GNG2: variants seen among roughly 807,000 people sequenced by gnomAD.
The protein encoded by GNG2 is guanine nucleotide-binding protein G(I)/G(S)/G(O) subunit gamma-2.
A neutral mutation model predicts 5.5 loss-of-function variants in GNG2; 5 were observed. The observed-to-expected ratio is 0.91, with a 90% confidence interval of 0.48 to 1.92. GNG2 has a LOEUF of 1.92. Ranked by LOEUF, GNG2 falls within the 30% of genes most tolerant of loss-of-function variation. The pLI is 0.01. For synonymous variants in GNG2, 28 were observed against 32.0 expected (o/e 0.88, Z 0.42); for missense variants, 55 against 88.4 (o/e 0.62, Z 1.52).
chr14:51,937,375 A>T (rs77400881), intron 2 of GNG2, among the ~76,000 whole-genome samples: 7,328 of 129,390 alleles, frequency 0.057, 231 homozygotes, highest in East Asian at 0.16. Flanking sequence ...AAATCTTCCC[A>T]AAAGGTCAGC....
chr14:51,878,710 A>G (rs1883842247), intron 2 of GNG2, among the ~76,000 whole-genome samples: 1 of 152,154 alleles, frequency 6.6e-6, no homozygotes, highest in South Asian at 2.1e-4. Context: ...TGGACTTTGG[A>G]TATCTCCAAA....
At chr14:51,924,152 G>A (rs751717309) in intron 2 of GNG2, among the ~76,000 whole-genome samples, 1 of 152,160 alleles carries the variant, frequency 6.6e-6, no homozygotes, top group Non-Finnish European at 1.5e-5. Flanking sequence ...GTTCCTAACT[G>A]AGGTCCCTTA....
chr14:51,933,514 T>A (rs546688632), intron 2 of GNG2, among the ~76,000 whole-genome samples: 33 of 152,340 alleles, frequency 2.2e-4, no homozygotes, highest in African/African-American at 5.3e-4. Context: ...TTGCTTTTTA[T>A]TTTTTTAAGA....
chr14:51,839,483 A>G (rs1034430261), intron 2 of GNG2, among the ~76,000 whole-genome samples: 1 of 151,946 alleles, frequency 6.6e-6, no homozygotes, highest in African/African-American at 2.4e-5. Flanking sequence ...CTTTTTTGGG[A>G]ATAGAATGTG....
intron 1 of GNG2, among the ~76,000 whole-genome samples, chr14:51,867,585 G>A (rs1022033223): frequency 9.2e-5 from 14 of 152,312 alleles, no homozygotes; most frequent in African/African-American, 3.4e-4. Flanking sequence ...TCTTTTCCAT[G>A]TTTATAGCCG....
intron 2 of GNG2, among the ~76,000 whole-genome samples, chr14:51,889,020 C>G (rs149778263): frequency 4.7e-3 from 708 of 151,700 alleles, no homozygotes; most frequent in African/African-American, 0.016. Context: ...TAGACAAATC[C>G]ATAGAGACAG....
chr14:51,827,930 T>A (rs1029553304), intron 2 of GNG2: 2 of 594,356 alleles, frequency 3.4e-6, no homozygotes, highest in African/African-American at 3.8e-5. Flanking sequence ...GTGGGAGGAC[T>A]CAGGAGGGAG....
intron 2 of GNG2, among the ~76,000 whole-genome samples, chr14:51,884,603 C>G (rs1389760772): frequency 6.6e-6 from 1 of 152,194 alleles, no homozygotes; most frequent in Admixed American, 6.5e-5. Context: ...ACCTCTGTGG[C>G]TCCTGCAGTA....
At chr14:51,897,874 T>G (rs944169183) in intron 2 of GNG2, among the ~76,000 whole-genome samples, 1 of 152,218 alleles carries the variant, frequency 6.6e-6, no homozygotes, top group East Asian at 1.9e-4. Flanking sequence ...GTGGGAAATA[T>G]CTGCATAGTA....
intron 2 of GNG2, among the ~76,000 whole-genome samples, chr14:51,890,075 A>G (rs1179757323): frequency 6.6e-6 from 1 of 152,242 alleles, no homozygotes; most frequent in East Asian, 1.9e-4. Flanking sequence ...GGAGATCAAA[A>G]TGAGTAGTGA....
chr14:51,937,016 G>A (rs991641965), intron 2 of GNG2, among the ~76,000 whole-genome samples: 2 of 152,124 alleles, frequency 1.3e-5, no homozygotes, highest in African/African-American at 4.8e-5. Flanking sequence ...ACAACCCAGG[G>A]TATTTCTCTA....
At chr14:51,963,042 G>A (rs1278763323) in intron 3 of GNG2, among the ~76,000 whole-genome samples, 1 of 152,126 alleles carries the variant, frequency 6.6e-6, no homozygotes, top group Admixed American at 6.5e-5. Flanking sequence ...TTGTTGTAAG[G>A]ATTAAATAAG....
intron 2 of GNG2, among the ~76,000 whole-genome samples, chr14:51,898,988 C>T (rs1594891212): frequency 1.3e-5 from 2 of 152,308 alleles, no homozygotes; most frequent in East Asian, 3.9e-4. Flanking sequence ...GAAAGAGCAG[C>T]TGTGAGAAGA....
chr14:51,903,876 G>T (rs1457230629), intron 2 of GNG2, among the ~76,000 whole-genome samples: 1 of 152,168 alleles, frequency 6.6e-6, no homozygotes, highest in Non-Finnish European at 1.5e-5. Context: ...AATAACCTTT[G>T]CTGCAAATAA....
intron 2 of GNG2, among the ~76,000 whole-genome samples, chr14:51,926,022 TTTTC>T (rs560253735): frequency 2.5e-4 from 38 of 152,174 alleles, no homozygotes; most frequent in African/African-American, 5.3e-4. Context: ...ATTTGTTTTC[TTTTC>T]TTTCTTTCTT....
chr14:51,920,507 G>T (rs1886955255), intron 2 of GNG2, among the ~76,000 whole-genome samples: 1 of 151,974 alleles, frequency 6.6e-6, no homozygotes, highest in African/African-American at 2.4e-5. Context: ...TCTATGGTTG[G>T]TTGACTTTAC....
chr14:51,846,996 C>G (rs1000119273), intron 2 of GNG2: 4 of 152,178 alleles, frequency 2.6e-5, no homozygotes, highest in Non-Finnish European at 4.4e-5. Context: ...GGAAATCAGT[C>G]ATTCAGAGTT....
intron 2 of GNG2, among the ~76,000 whole-genome samples, chr14:51,927,600 G>A (rs1887406729): frequency 2.0e-5 from 3 of 152,166 alleles, no homozygotes; most frequent in Admixed American, 2.0e-4. Context: ...TACCTTTGGA[G>A]TGTAAGCTTC....
intron 2 of GNG2, among the ~76,000 whole-genome samples, chr14:51,888,070 A>G (rs1329337327): frequency 1.3e-5 from 2 of 152,150 alleles, no homozygotes; most frequent in Non-Finnish European, 2.9e-5. Context: ...GACTGCATAC[A>G]CCCATGAAAC....
Sources: allele counts gnomAD v4.1 joint callset (sites outside exome capture counted in the v4.1 genomes callset), GRCh38; gene constraint gnomAD v4.1.1; transcripts MANE v1.5; gene names NCBI Gene and HGNC (gene_info 2026-07-23, HGNC 2026-07-21).